ATAD3A: variants seen among roughly 807,000 people sequenced by gnomAD.
The protein encoded by ATAD3A is ATPase family AAA domain containing 3A.
A neutral mutation model predicts 73.8 loss-of-function variants in ATAD3A; 46 were observed. That is an observed-to-expected ratio of 0.62 (90% CI 0.49 to 0.80). ATAD3A has a LOEUF of 0.80. Ranked by LOEUF, ATAD3A falls within the 30% of genes least tolerant of loss-of-function variation. The pLI, the probability that ATAD3A is intolerant of heterozygous loss-of-function variation, is 0.00. For synonymous variants in ATAD3A, 319 were observed against 350.0 expected, an observed-to-expected ratio of 0.91 and a Z score of 0.99; for missense variants, 705 against 838.0, an observed-to-expected ratio of 0.84 and a Z score of 1.96.
chr1:1,516,281 C>G (rs1311242160), intron 2 of ATAD3A, among the ~76,000 whole-genome samples, 193 bp downstream of exon 2: 2 of 151,960 alleles, frequency 1.3e-5, no homozygotes, highest in South Asian at 2.1e-4. Context: ...CAGAGCCGCC[C>G]GAGAGGGAGG....
chr1:1,525,413 CTTTTTT>C, intron 12 of ATAD3A, 122 bp downstream of exon 12: 22 of 745,620 alleles, frequency 3.0e-5, no homozygotes, highest in Non-Finnish European at 4.0e-5. Context: ...TGAAAAACAG[CTTTTTT>C]TTTTTTTTTT....
rs747449609 is a variant in ATAD3A, at chr1:1,526,455, C to A, written c.1267-6C>A. On this transcript the variant is annotated splice_polypyrimidine_tract_variant and splice_region_variant and intron_variant, in intron 12 of 15. Coordinates refer to ENST00000378756, the MANE Select transcript of ATAD3A (RefSeq NM_001170535.3). Reference sequence around the variant, plus strand: ...GGTGCCTAAGGCTGGAACCTTCTCTCTGCAGGAGAAGATAAGCGAGGACCT... The same window carrying A: ...GGTGCCTAAGGCTGGAACCTTCTCTATGCAGGAGAAGATAAGCGAGGACCT... 3 of 1,610,432 alleles carry A rather than the reference C, an allele frequency of 1.9e-6. No homozygotes were observed. The highest frequency in any genetic ancestry group is 3.4e-5 in the Admixed American group (2 of 59,510).
In ATAD3A at chr1:1,522,839, G is replaced by A. The variant is rs763962818; in HGVS notation, c.846G>A (p.Pro282=). 30 of 1,610,358 alleles carry A rather than the reference G, an allele frequency of 1.9e-5. 1 individual carries two copies. Among genetic ancestry groups the A allele is most frequent in the South Asian group, 5.5e-5 (5 of 90,968 alleles). The part of the protein sequence containing the change: ...GRFIEARLGK[P]SLVRETSRIT... ...TCATCGAGGCTCGGCTGGGGAAGCCGTCCCTAGTGAGGGAGACGTCCCGCA... is the reference window on the plus strand; with the variant it reads ...TCATCGAGGCTCGGCTGGGGAAGCCATCCCTAGTGAGGGAGACGTCCCGCA... The change falls in exon 8 of 16, where the codon CCG becomes CCA. Residue 282 remains proline, a synonymous_variant. Coordinates refer to ENST00000378756, the MANE Select transcript of ATAD3A (RefSeq NM_001170535.3).
rs769431090 is a variant in ATAD3A, at chr1:1,512,263, G to A, written c.-6G>A. The A allele has an allele frequency of 1.6e-6, 2 of 1,273,818 alleles. No homozygotes were observed. Among genetic ancestry groups the A allele is most frequent in the African/African-American group, 3.1e-5 (2 of 65,330 alleles). 78.9% of individuals were successfully genotyped at this position (1,273,818 alleles called of 1,614,324 possible). ...CGGCGGCGGTAGCGGCGGCGGCGGT[G>A]CGAGCATGTCGTGGCTCTTCGGCAT... On this transcript the variant is annotated 5_prime_UTR_variant, in exon 1 of 16. Coordinates refer to ENST00000378756, the MANE Select transcript of ATAD3A (RefSeq NM_001170535.3).
chr1:1,522,630 G>A (rs757347791), intron 7 of ATAD3A, 114 bp from the exon 8 acceptor site: 58 of 1,541,498 alleles, frequency 3.8e-5, no homozygotes, highest in African/African-American at 8.2e-5. Flanking sequence ...GCCAGTGCAC[G>A]GCCCTGTGCT....
chr1:1,527,601 T>C (rs1407008353), intron 13 of ATAD3A, 94 bp from the exon 14 acceptor site: 29 of 1,456,884 alleles, frequency 2.0e-5, no homozygotes, highest in Non-Finnish European at 2.7e-5. Flanking sequence ...CCCGCCACTT[T>C]AGGTTCTCCC....
rs187385891 is a variant in ATAD3A, at chr1:1,533,420, C to T, written c.1615-506C>T. Among the ~76,000 whole-genome samples, 1,093 of 152,272 alleles carry T rather than the reference C, an allele frequency of 7.2e-3. 13 individuals are homozygous for T. Among genetic ancestry groups the T allele is most frequent in the African/African-American group, 0.025 (1,035 of 41,498 alleles). ...CCCAGCAGCTCCAGCCTTCACGTGC[C>T]AGATGCCAAGCCCTGTGCTCAGGAG... is the stretch of plus-strand genomic sequence containing the variant. On this transcript the variant is annotated intron_variant, in intron 15 of 15. Transcript: ENST00000378756.
chr1:1,520,723 CT>C lies in ATAD3A; in HGVS notation c.750+107del. On this transcript the variant is annotated intron_variant, in intron 7 of 15. Coordinates refer to ENST00000378756, the MANE Select transcript of ATAD3A (RefSeq NM_001170535.3). The surrounding 1 kb of genome is among the most constrained non-coding windows in gnomAD (Gnocchi z 4.0). ...CTGCCGGCTCTGCACAGCCCTGTAG[CT>C]CTCCCAGCAGGGAGGAAGCCCACGT... 1 of 1,551,772 alleles carries C rather than the reference CT, an allele frequency of 6.4e-7. No homozygotes were observed. Among genetic ancestry groups the C allele is most frequent in the East Asian group, 2.3e-5 (1 of 43,738 alleles).
chr1:1,525,478 C>A (rs910318682), intron 12 of ATAD3A, among the ~76,000 whole-genome samples, 187 bp downstream of exon 12: 1 of 148,536 alleles, frequency 6.7e-6, no homozygotes, highest in East Asian at 2.0e-4. Flanking sequence ...GCAATGGCCC[C>A]ATCTCGGCTC....
intron 1 of ATAD3A, among the ~76,000 whole-genome samples, chr1:1,514,760 G>A (rs909714327): frequency 1.3e-5 from 2 of 152,194 alleles, no homozygotes; most frequent in African/African-American, 4.8e-5. Flanking sequence ...GACTCTGAAG[G>A]CTTAAAAAAG....
intron 14 of ATAD3A, among the ~76,000 whole-genome samples, chr1:1,528,905 C>G (rs1005934819): frequency 3.9e-5 from 6 of 152,242 alleles, no homozygotes; most frequent in African/African-American, 1.4e-4. Context: ...GGCCTCCAGG[C>G]AGACGCTTTT....
rs955813887 is a variant in ATAD3A, at chr1:1,523,416, G to A, written c.907-95G>A. 59 of 1,541,002 alleles carry A rather than the reference G, an allele frequency of 3.8e-5. No homozygotes were observed. The highest frequency in any genetic ancestry group is 4.9e-5 in the Non-Finnish European group (56 of 1,138,666). On this transcript the variant is annotated intron_variant, in intron 8 of 15. Coordinates refer to ENST00000378756, the MANE Select transcript of ATAD3A (RefSeq NM_001170535.3). This position sits in a 1 kb window ranked among gnomAD's most constrained non-coding sequence, Gnocchi z 5.1. ...CCTGGCTGTGCTTTGGGGCAGCTCCGTTTCTGCGTGTTACCGAGCGTGTGT... is the reference window on the plus strand; with the variant it reads ...CCTGGCTGTGCTTTGGGGCAGCTCCATTTCTGCGTGTTACCGAGCGTGTGT...
chr1:1,518,708 C>T (rs918306242), intron 4 of ATAD3A, among the ~76,000 whole-genome samples: 4 of 136,566 alleles, frequency 2.9e-5, no homozygotes, highest in East Asian at 2.3e-4. Context: ...GGTGCACAAC[C>T]CACCCACACA....
intron 2 of ATAD3A, chr1:1,517,046 T>C (rs1191597544): frequency 6.8e-7 from 1 of 1,461,244 alleles, no homozygotes; most frequent in Admixed American, 2.5e-5. Context: ...GCATGAGCTC[T>C]GCCCTCAGTG....
At chr1:1,527,957 CCTT>C (rs1641908344) in intron 14 of ATAD3A, 95 bp downstream of exon 14, 3 of 1,214,488 alleles carry the variant, frequency 2.5e-6, no homozygotes, top group Admixed American at 2.9e-5. Context: ...CTTTAACATT[CCTT>C]TTTTTTTTTT....
chr1:1,514,081 TG>T (rs1199636200), intron 1 of ATAD3A, among the ~76,000 whole-genome samples: 5 of 152,136 alleles, frequency 3.3e-5, no homozygotes, highest in Admixed American at 2.6e-4. Context: ...ATTCACGCGC[TG>T]GGACGCACGT....
chr1:1,516,523 C>T (rs1254886486), intron 2 of ATAD3A, among the ~76,000 whole-genome samples: 1 of 152,152 alleles, frequency 6.6e-6, no homozygotes, highest in Non-Finnish European at 1.5e-5. Flanking sequence ...AGCAATTCTC[C>T]TGCCTCAGCC....
chr1:1,518,180 AC>A (rs754660133), intron 4 of ATAD3A, among the ~76,000 whole-genome samples: 4 of 150,026 alleles, frequency 2.7e-5, no homozygotes, highest in Non-Finnish European at 5.9e-5. Flanking sequence ...GCACACACCC[AC>A]ATGGACACTC....
chr1:1,525,698 G>A (rs1238085593), intron 12 of ATAD3A, among the ~76,000 whole-genome samples: 1 of 152,012 alleles, frequency 6.6e-6, no homozygotes, highest in Non-Finnish European at 1.5e-5. Context: ...ACAGGCGTGA[G>A]CCACCACGCC....
Sources: gnomAD v4.1 joint callset for allele counts (sites outside exome capture counted in the v4.1 genomes callset) on GRCh38, gnomAD v4.1.1 for gene constraint, Gnocchi (gnomAD v3.1) non-coding constraint, MANE v1.5 for transcripts, NCBI Gene and HGNC (gene_info 2026-07-23, HGNC 2026-07-21) for gene names.